The following NPAT variants were observed in gnomAD, a reference collection of about 807,000 sequenced individuals.
NPAT encodes nuclear protein, coactivator of histone transcription.
A neutral mutation model predicts 130.7 loss-of-function variants in NPAT; 52 were observed. The observed-to-expected ratio is 0.40, with a 90% CI of 0.32 to 0.50. NPAT has a LOEUF of 0.50. NPAT is among the 20% of genes least tolerant of loss of function. The pLI, the probability that NPAT is intolerant of heterozygous loss-of-function variation, is 0.68. For synonymous variants in NPAT, 580 were observed against 584.8 expected (o/e 0.99, Z 0.12); for missense variants, 1,687 against 1,662.6 (o/e 1.01, Z -0.26).
At chr11:108,203,990 C>T (rs959519184) in intron 1 of NPAT, among the ~76,000 whole-genome samples, 1 of 152,160 alleles carries the variant, frequency 6.6e-6, no homozygotes, top group African/African-American at 2.4e-5. Context: ...GCAAATGGAG[C>T]CTCAGACGAT....
At chr11:108,220,592 T>C (rs934891275) in intron 1 of NPAT, among the ~76,000 whole-genome samples, 5 of 152,110 alleles carry the variant, frequency 3.3e-5, no homozygotes, top group African/African-American at 1.2e-4. Context: ...GAGCTGAAGA[T>C]GGCGAGGGGG....
chr11:108,181,045 C>A (rs778183767), intron 10 of NPAT, among the ~76,000 whole-genome samples: 8 of 152,176 alleles, frequency 5.3e-5, no homozygotes, highest in Non-Finnish European at 1.0e-4. Flanking sequence ...AAGGGGAAAT[C>A]AGGAGTTGTA....
chr11:108,190,499 T>C lies in NPAT; in HGVS notation c.292A>G (p.Ser98Gly). Residue 98 changes from serine (S) to glycine (G), a missense_variant and splice_region_variant, in exon 5 of 18, where the codon AGC becomes GGC. Physicochemically the swap from Ser to Gly is moderately conservative, Grantham distance 56. Transcript: ENST00000278612. ...GCAAACCTTGGGGAACTTTGCATGC[T>C]CCTAACAAAGAAAACAAAGTAGTTA... ...KLDHTLSQIR[S>G]MQSSPRFAGS... 6.2e-7 allele frequency: 1 copy of C among 1,613,604 alleles called. No individual in the cohort carries two copies. Among genetic ancestry groups the C allele is most frequent in the East Asian group, 2.2e-5 (1 of 44,872 alleles).
chr11:108,193,295 T>C (rs1166001769), intron 3 of NPAT, among the ~76,000 whole-genome samples: 1 of 152,248 alleles, frequency 6.6e-6, no homozygotes, highest in African/African-American at 2.4e-5. Flanking sequence ...TAAAACTTTT[T>C]AACACATAGT....
At chr11:108,200,557 C>T (rs1451034364) in intron 1 of NPAT, among the ~76,000 whole-genome samples, 1 of 152,108 alleles carries the variant, frequency 6.6e-6, no homozygotes, top group Non-Finnish European at 1.5e-5. Context: ...CCACAACTGC[C>T]ATACTGGTCT....
chr11:108,187,605 C>G (rs1437386019), intron 7 of NPAT, among the ~76,000 whole-genome samples: 1 of 151,972 alleles, frequency 6.6e-6, no homozygotes, highest in Non-Finnish European at 1.5e-5. Context: ...AGCTAAGAAA[C>G]TAGAATAAAC....
In NPAT at chr11:108,222,570, C is replaced by T. The variant is rs770226568; in HGVS notation, c.-34G>A. The T allele has an allele frequency of 2.5e-6, 4 of 1,612,906 alleles. No homozygotes were observed. In the African/African-American group the frequency reaches 4.0e-5, roughly 16 times the overall value. Reference sequence around the variant, plus strand: ...CCACAGCAGGAACCACAATAAGGAACAAGACTCAGGTTAAAGCAAACACAG... The same window carrying T: ...CCACAGCAGGAACCACAATAAGGAATAAGACTCAGGTTAAAGCAAACACAG... On this transcript the variant is annotated 5_prime_UTR_variant, in exon 1 of 18. Transcript: ENST00000278612.
chr11:108,163,890 G>A (rs2134823006), intron 15 of NPAT, among the ~76,000 whole-genome samples: 1 of 152,224 alleles, frequency 6.6e-6, no homozygotes, highest in East Asian at 1.9e-4. Flanking sequence ...ATTAAGAGAG[G>A]TTAAGAGATT....
At chr11:108,166,391 T>TA (rs954624017) in intron 15 of NPAT, among the ~76,000 whole-genome samples, 17 of 151,126 alleles carry the variant, frequency 1.1e-4, no homozygotes, top group East Asian at 5.8e-4. Context: ...GACTCCCATC[T>TA]AAAAAAAAAT....
At chr11:108,199,284 C>T (rs1335450997) in intron 1 of NPAT, among the ~76,000 whole-genome samples, 2 of 152,228 alleles carry the variant, frequency 1.3e-5, no homozygotes, top group African/African-American at 2.4e-5. Flanking sequence ...GGAAGACAAT[C>T]ATGGCACAAC....
chr11:108,184,977 G>C (rs190504708), intron 10 of NPAT, among the ~76,000 whole-genome samples: 1 of 152,154 alleles, frequency 6.6e-6, no homozygotes, highest in Non-Finnish European at 1.5e-5. Flanking sequence ...TTTAAGTATT[G>C]AATACTTAGG....
intron 1 of NPAT, among the ~76,000 whole-genome samples, chr11:108,206,973 C>CTGA (rs1219224520): frequency 6.6e-6 from 1 of 152,100 alleles, no homozygotes; most frequent in Non-Finnish European, 1.5e-5. Flanking sequence ...GCAGGTCATC[C>CTGA]TGATGAGTGT....
At chr11:108,163,873 A>G (rs1034768024) in intron 15 of NPAT, among the ~76,000 whole-genome samples, 6 of 152,220 alleles carry the variant, frequency 3.9e-5, no homozygotes, top group African/African-American at 7.2e-5. Context: ...GAATGAAGAA[A>G]TGGAAGATTA....
At chr11:108,217,066 TCCCCATGCCTG>T (rs2134905414) in intron 1 of NPAT, among the ~76,000 whole-genome samples, 1 of 152,358 alleles carries the variant, frequency 6.6e-6, no homozygotes, top group South Asian at 2.1e-4. Flanking sequence ...TTACACATTT[TCCCCATGCCTG>T]CATGGGTTTT....
chr11:108,200,738 A>C (rs1319221606), intron 1 of NPAT, among the ~76,000 whole-genome samples: 1 of 152,192 alleles, frequency 6.6e-6, no homozygotes, highest in African/African-American at 2.4e-5. Flanking sequence ...AAAACCCAAC[A>C]AAGGAAGGAG....
At chr11:108,218,908 TTAAA>T (rs937390453) in intron 1 of NPAT, among the ~76,000 whole-genome samples, 2 of 152,316 alleles carry the variant, frequency 1.3e-5, no homozygotes, top group African/African-American at 4.8e-5. Context: ...ACATATATTA[TTAAA>T]TAAACAAAGG....
chr11:108,203,849 T>C (rs2078298016), intron 1 of NPAT, among the ~76,000 whole-genome samples: 1 of 152,242 alleles, frequency 6.6e-6, no homozygotes, highest in Non-Finnish European at 1.5e-5. Flanking sequence ...CTTATTTCTG[T>C]TATCTTTGGG....
chr11:108,211,173 G>A (rs928766061), intron 1 of NPAT, among the ~76,000 whole-genome samples: 3 of 151,660 alleles, frequency 2.0e-5, no homozygotes, highest in Non-Finnish European at 4.4e-5. Context: ...CCGAGATCGC[G>A]CCACTGCATT....
At chr11:108,190,559 T>C (rs776054147) in intron 4 of NPAT, 59 bp from the exon 5 acceptor site, 103 of 1,460,876 alleles carry the variant, frequency 7.1e-5, no homozygotes, top group Non-Finnish European at 9.8e-5. Context: ...ACATCCACTA[T>C]GATTTAGTTA....
Sources: gnomAD v4.1 joint callset for allele counts (sites outside exome capture counted in the v4.1 genomes callset) on GRCh38, gnomAD v4.1.1 for gene constraint, MANE v1.5 for transcripts, NCBI Gene and HGNC (gene_info 2026-07-23, HGNC 2026-07-21) for gene names.